JUP: variants seen among roughly 807,000 people sequenced by gnomAD.
The protein encoded by JUP is junction plakoglobin, also known as catenin (cadherin-associated protein), gamma 80kDa.
JUP carries 28 observed loss-of-function variants against 71.1 expected under a neutral mutation model. The observed-to-expected ratio is 0.39, with a 90% CI of 0.29 to 0.54. JUP has a LOEUF of 0.54. Among genes scored for constraint, JUP ranks in the 20% least tolerant of loss-of-function variants. JUP has a pLI of 0.62. For synonymous variants in JUP, 401 were observed against 438.9 expected (o/e 0.91, Z 1.08); for missense variants, 869 against 1,030.1 (o/e 0.84, Z 2.14).
At chr17:41,772,125 AG>A in intron 1 of JUP, 1 of 557,370 alleles carries the variant, frequency 1.8e-6, no homozygotes, top group Non-Finnish European at 3.3e-6. Context: ...CTGACCTCCC[AG>A]GGGGATGAGC....
chr17:41,785,653 C>A (rs961092709), intron 1 of JUP, among the ~76,000 whole-genome samples: 12 of 152,232 alleles, frequency 7.9e-5, no homozygotes, highest in Non-Finnish European at 1.8e-4. Flanking sequence ...CCAGATAAAG[C>A]TGCTGTGAAT....
intron 12 of JUP, among the ~76,000 whole-genome samples, 168 bp downstream of exon 12, chr17:41,757,245 GAT>G (rs1482853538): frequency 2.0e-5 from 3 of 152,226 alleles, no homozygotes; most frequent in Non-Finnish European, 4.4e-5. Flanking sequence ...GCATTTTGTG[GAT>G]ATATGATTCA....
At chr17:41,770,559 G>A (rs9901834) in intron 2 of JUP, among the ~76,000 whole-genome samples, 23,078 of 152,128 alleles carry the variant, frequency 0.15, 2,806 homozygotes, top group African/African-American at 0.34. Flanking sequence ...AGCTGTCAGG[G>A]AGGAGACTGG....
chr17:41,768,589 C>T (rs1489619311), intron 4 of JUP, among the ~76,000 whole-genome samples: 2 of 151,986 alleles, frequency 1.3e-5, no homozygotes, highest in Non-Finnish European at 2.9e-5. Flanking sequence ...TGAGGCCAAT[C>T]CACATTTTGT....
intron 1 of JUP, among the ~76,000 whole-genome samples, chr17:41,783,750 C>T (rs1482729482): frequency 2.0e-5 from 3 of 151,810 alleles, no homozygotes; most frequent in Non-Finnish European, 4.4e-5. Flanking sequence ...GAAACCCTGT[C>T]TCTACTAAAA....
chr17:41,768,380 C>A (rs1916042798), intron 4 of JUP, among the ~76,000 whole-genome samples: 1 of 142,584 alleles, frequency 7.0e-6, no homozygotes, highest in South Asian at 2.3e-4. Flanking sequence ...GCCTGGGCAA[C>A]AGGAGGAAAA....
intron 1 of JUP, among the ~76,000 whole-genome samples, chr17:41,778,898 G>C (rs548507309): frequency 6.7e-6 from 1 of 150,070 alleles, no homozygotes; most frequent in East Asian, 2.0e-4. Flanking sequence ...GTGACAGAGC[G>C]AGACTCCGTC....
chr17:41,773,709 G>C (rs781812134), intron 1 of JUP, among the ~76,000 whole-genome samples: 1 of 151,930 alleles, frequency 6.6e-6, no homozygotes, highest in Non-Finnish European at 1.5e-5. Flanking sequence ...CGGGGTGCTC[G>C]GAGAAGGCAG....
Position 41,755,644 on chromosome 17 carries a change from G to A in JUP, c.*100C>T. ...AGCAAAGGATCCCCCCAAAAAAGGAGCGCAGGTTTCAGCGGGGAGATGGGA... is the reference window on the plus strand; with the variant it reads ...AGCAAAGGATCCCCCCAAAAAAGGAACGCAGGTTTCAGCGGGGAGATGGGA... On this transcript the variant is annotated 3_prime_UTR_variant, in exon 14 of 14. Coordinates refer to ENST00000393931, the MANE Select transcript of JUP (RefSeq NM_002230.4). The A allele has an allele frequency of 8.4e-7, 1 of 1,192,356 alleles. No individual in the cohort carries two copies. The highest frequency in any genetic ancestry group is 2.4e-5 in the East Asian group (1 of 41,068). The allele number at this position is 1,192,356 out of a possible 1,614,324, so 73.9% of individuals were successfully genotyped here. A position where few individuals can be genotyped will look rare whatever the true frequency, so the allele number is the denominator to read the frequency against.
At chr17:41,767,623 C>A in intron 4 of JUP, 43 bp from the exon 5 acceptor site, 2 of 1,530,030 alleles carry the variant, frequency 1.3e-6, no homozygotes, top group Non-Finnish European at 1.8e-6. Context: ...GTCCCAGAGG[C>A]CTGGCATACA....
At position 41,768,930 on chromosome 17, in the gene JUP, A is replaced by AG. The variant is rs782183924; in HGVS notation, c.707+38dup. 4 of 1,476,486 alleles carry AG rather than the reference A, an allele frequency of 2.7e-6. No individual in the cohort carries two copies. In the African/African-American group the frequency reaches 5.5e-5, roughly 20 times the overall value. The allele number at this position is 1,476,486 out of a possible 1,614,324, so 91.5% of individuals were successfully genotyped here. ...AAGGGAGGGGAGAGGCCCAAGTGAG[A>AG]GGGGGTCCTGGGCTCATGCAGTGAG... On this transcript the variant is annotated intron_variant, in intron 4 of 13. Transcript: ENST00000393931.
At chr17:41,756,446 A>G (rs1913761092) in intron 12 of JUP, among the ~76,000 whole-genome samples, 1 of 151,966 alleles carries the variant, frequency 6.6e-6, no homozygotes, top group African/African-American at 2.4e-5. Flanking sequence ...AAAATACAAA[A>G]AAAATTAGCT....
chr17:41,771,583 C>T, intron 2 of JUP, 64 bp downstream of exon 2: 1 of 1,484,336 alleles, frequency 6.7e-7, no homozygotes, highest in Non-Finnish European at 9.4e-7. Context: ...TCCTTTCACT[C>T]TGACCTCTCT....
intron 4 of JUP, 81 bp from the exon 5 acceptor site, chr17:41,767,661 C>T (rs1343470489): frequency 1.8e-6 from 2 of 1,126,498 alleles, no homozygotes; most frequent in African/African-American, 3.1e-5. Context: ...TTCCCACCTC[C>T]CCCAGGAAGC....
At chr17:41,775,461 G>A (rs2046836142) in intron 1 of JUP, among the ~76,000 whole-genome samples, 2 of 152,188 alleles carry the variant, frequency 1.3e-5, no homozygotes, top group African/African-American at 2.4e-5. Flanking sequence ...CAAAAGTGCT[G>A]GTTTTACAGT....
intron 5 of JUP, 76 bp downstream of exon 5, chr17:41,767,303 G>A (rs1403522662): frequency 4.8e-6 from 6 of 1,250,028 alleles, no homozygotes; most frequent in Non-Finnish European, 7.0e-6. Flanking sequence ...TAAGGGGGCA[G>A]CGGCCCAAGG....
intron 1 of JUP, chr17:41,772,804 A>C: frequency 1.0e-6 from 1 of 985,318 alleles, no homozygotes; most frequent in Non-Finnish European, 1.2e-6. Context: ...CTCTCTGCAA[A>C]GGTTTAGGCG....
chr17:41,781,625 G>A (rs1555610300), intron 1 of JUP, among the ~76,000 whole-genome samples: 1 of 152,148 alleles, frequency 6.6e-6, no homozygotes, highest in African/African-American at 2.4e-5. Flanking sequence ...TCTTCACAGG[G>A]GTCACAGGAC....
intron 8 of JUP, among the ~76,000 whole-genome samples, chr17:41,761,638 C>T (rs1914823289): frequency 6.6e-6 from 1 of 151,818 alleles, no homozygotes. Context: ...ATAGAGAAAT[C>T]CCGTCTCTAC....
Sources: gnomAD v4.1 joint callset for allele counts (sites outside exome capture counted in the v4.1 genomes callset) on GRCh38, gnomAD v4.1.1 for gene constraint, MANE v1.5 for transcripts, NCBI Gene and HGNC (gene_info 2026-07-23, HGNC 2026-07-21) for gene names.